PSMA1: variants seen among roughly 807,000 people sequenced by gnomAD.
PSMA1 encodes the protein proteasome 20S subunit alpha 1, also known as proteasome subunit alpha type-1.
Under a neutral mutation model 38.4 loss-of-function variants are expected in PSMA1, and 3 were observed. The observed-to-expected ratio is 0.08, with a 90% confidence interval of 0.04 to 0.20. The LOEUF (loss-of-function observed/expected upper bound fraction) is 0.20, where lower values mean the gene tolerates loss of function less well. Ranked by LOEUF, PSMA1 falls within the 10% of genes least tolerant of loss-of-function variation. The probability of loss-of-function intolerance (pLI) is 1.00; values close to 1 mark genes in which losing one functional copy is unlikely to be tolerated. For missense variants in PSMA1, 227 were observed against 325.3 expected (o/e 0.70, Z 2.32); for synonymous variants, 101 against 107.1 (o/e 0.94, Z 0.35).
At chr11:14,584,507 G>GC (rs1182220755) in intron 2 of PSMA1, among the ~76,000 whole-genome samples, 1 of 124,780 alleles carries the variant, frequency 8.0e-6, no homozygotes, top group Non-Finnish European at 1.7e-5. Flanking sequence ...TTTGTTTTTT[G>GC]TTTTTTTTTT....
chr11:14,561,517 G>C (rs1852007505), intron 2 of PSMA1, among the ~76,000 whole-genome samples: 1 of 152,108 alleles, frequency 6.6e-6, no homozygotes, highest in Non-Finnish European at 1.5e-5. Flanking sequence ...TTTCTTTCTG[G>C]ATTTCTGGTA....
chr11:14,532,602 C>T (rs547797658), intron 2 of PSMA1, among the ~76,000 whole-genome samples: 90 of 138,420 alleles, frequency 6.5e-4, no homozygotes, highest in African/African-American at 2.4e-3. Flanking sequence ...GAGACTCCGT[C>T]TCAAAAAAAA....
chr11:14,604,456 T>C (rs1226060512), intron 2 of PSMA1, among the ~76,000 whole-genome samples: 1 of 152,178 alleles, frequency 6.6e-6, no homozygotes, highest in African/African-American at 2.4e-5. Flanking sequence ...ATAAAAATAT[T>C]TGGGGCACAT....
At chr11:14,621,107 A>C (rs995563584) in intron 1 of PSMA1, among the ~76,000 whole-genome samples, 1 of 152,116 alleles carries the variant, frequency 6.6e-6, no homozygotes, top group African/African-American at 2.4e-5. Context: ...ACTTTTAATT[A>C]ATTTTTATAT....
At chr11:14,507,485 G>A (rs1851264343) in intron 9 of PSMA1, 171 bp downstream of exon 9, 1 of 576,152 alleles carries the variant, frequency 1.7e-6, no homozygotes, top group Non-Finnish European at 3.0e-6. Context: ...TGTTTATGGA[G>A]ATCACTGCCC....
Position 14,507,704 on chromosome 11 carries a change from C to T in PSMA1, c.687G>A (p.Val229=), listed in dbSNP as rs61732660. The T allele has an allele frequency of 1.6e-3, 2,544 of 1,613,034 alleles. 38 individuals carry two copies. In the African/African-American group the frequency reaches 0.03, roughly 19 times the overall value. ...CTTCAAGACCTTCCAGGAATGGAGA[C>T]ACATCATCATCATCATAGATTGTAA... ...LEFTIYDDDD[V]SPFLEGLEER... The change falls in exon 9 of 10, where the codon GTG becomes GTA. Residue 229 remains valine (V), a synonymous_variant. Coordinates refer to ENST00000396394, the MANE Select transcript of PSMA1 (RefSeq NM_002786.4).
upstream of PSMA1, among the ~76,000 whole-genome samples, chr11:14,525,372 C>T (rs1565036598): frequency 6.6e-6 from 1 of 152,064 alleles, no homozygotes; most frequent in Non-Finnish European, 1.5e-5. Context: ...CACCTCTACT[C>T]CCTCCTTGGC....
chr11:14,589,838 T>C (rs1248395223), intron 2 of PSMA1, among the ~76,000 whole-genome samples: 1 of 152,172 alleles, frequency 6.6e-6, no homozygotes, highest in Non-Finnish European at 1.5e-5. Context: ...GGCATCATCC[T>C]GCACAGTGTC....
At chr11:14,608,749 T>A (rs1189323242) in intron 2 of PSMA1, among the ~76,000 whole-genome samples, 1 of 148,314 alleles carries the variant, frequency 6.7e-6, no homozygotes, top group Non-Finnish European at 1.5e-5. Flanking sequence ...ATATTATGTA[T>A]AAAATATATA....
chr11:14,608,608 A>G (rs1218078841), intron 2 of PSMA1, among the ~76,000 whole-genome samples: 1 of 148,054 alleles, frequency 6.8e-6, no homozygotes. Flanking sequence ...TATATATAAA[A>G]TATGATTATA....
intron 2 of PSMA1, among the ~76,000 whole-genome samples, chr11:14,567,889 C>G (rs958558588): frequency 6.6e-6 from 1 of 152,166 alleles, no homozygotes; most frequent in African/African-American, 2.4e-5. Flanking sequence ...ATACAGAAAA[C>G]AAACGTGTGT....
intron 2 of PSMA1, among the ~76,000 whole-genome samples, chr11:14,560,509 A>G (rs1286494176): frequency 6.6e-6 from 1 of 152,100 alleles, no homozygotes; most frequent in African/African-American, 2.4e-5. Context: ...TCCATTTACC[A>G]TCAAAATTGG....
intron 4 of PSMA1, among the ~76,000 whole-genome samples, chr11:14,515,008 G>A (rs921571428): frequency 2.6e-5 from 4 of 152,192 alleles, no homozygotes; most frequent in African/African-American, 7.2e-5. Context: ...GACACTAGCC[G>A]CTGAGTCTCA....
At chr11:14,559,447 C>T (rs1022367264) in intron 2 of PSMA1, among the ~76,000 whole-genome samples, 17 of 152,204 alleles carry the variant, frequency 1.1e-4, no homozygotes, top group Non-Finnish European at 1.6e-4. Flanking sequence ...GCATCCGGAA[C>T]TTAGTTCACA....
intron 2 of PSMA1, among the ~76,000 whole-genome samples, chr11:14,559,297 A>G (rs986935233): frequency 6.6e-6 from 1 of 152,214 alleles, no homozygotes; most frequent in African/African-American, 2.4e-5. Context: ...TTGAAGATGT[A>G]GTGGGTTAAG....
intron 2 of PSMA1, among the ~76,000 whole-genome samples, chr11:14,533,772 A>G (rs1851674720): frequency 6.6e-6 from 1 of 152,000 alleles, no homozygotes; most frequent in Non-Finnish European, 1.5e-5. Context: ...TCATTTCACA[A>G]GACAGAGCCT....
At position 14,507,906 on chromosome 11, in the gene PSMA1, G is replaced by C. The variant is rs532187030; in HGVS notation, c.625-140C>G. On this transcript the variant is annotated intron_variant, in intron 8 of 9. Transcript: ENST00000396394. ...CCTTAAAAACCACTTATGTGTAGGA[G>C]AAAAAAGAAGGAAACTAGTGGACCC... 33 of 591,022 alleles carry C rather than the reference G, an allele frequency of 5.6e-5. No individual in the cohort carries two copies. The South Asian group carries it at 6.5e-4, about 12-fold the overall frequency. 36.6% of individuals were successfully genotyped at this position (591,022 alleles called of 1,614,324 possible).
chr11:14,579,148 A>C (rs954216928), intron 2 of PSMA1, among the ~76,000 whole-genome samples: 2 of 152,242 alleles, frequency 1.3e-5, no homozygotes, highest in Non-Finnish European at 2.9e-5. Context: ...GAGATGCCAT[A>C]ACAAATTGCT....
At position 14,635,753 on chromosome 11, in the gene PSMA1, T is replaced by A. The variant is rs539748531; in HGVS notation, c.-166+7702A>T. Among the ~76,000 whole-genome samples the A allele has an allele frequency of 2.0e-5, 3 of 152,302 alleles. No individual in the cohort carries two copies. In the South Asian group the frequency reaches 6.2e-4, roughly 32 times the overall value. Reference sequence around the variant, plus strand: ...GTAGGAGAAAAAAAGCAGAATAAGGTTGTATGACTCATTGAAGCCAGATAA... The same window carrying A: ...GTAGGAGAAAAAAAGCAGAATAAGGATGTATGACTCATTGAAGCCAGATAA... On this transcript the variant is annotated intron_variant, in intron 1 of 10. Transcript: ENST00000418988.
Sources: gnomAD v4.1 joint callset for allele counts (sites outside exome capture counted in the v4.1 genomes callset) on GRCh38, gnomAD v4.1.1 for gene constraint, MANE v1.5 for transcripts, NCBI Gene and HGNC (gene_info 2026-07-23, HGNC 2026-07-21) for gene names.